Variants in ZNF554 observed in about 807,000 individuals in gnomAD.
ZNF554 encodes the protein zinc finger protein 554.
In ZNF554, 15 loss-of-function variants were observed where a neutral mutation model predicts 21.2. That is an observed-to-expected ratio of 0.71 (90% CI 0.47 to 1.09). The LOEUF is 1.09. Ranked by LOEUF, ZNF554 falls within the 50% of genes least tolerant of loss-of-function variation. The pLI, the probability that ZNF554 is intolerant of heterozygous loss-of-function variation, is 0.00. For missense variants in ZNF554, 691 were observed against 662.7 expected (o/e 1.04, Z -0.47); for synonymous variants, 258 against 251.4 (o/e 1.03, Z -0.25).
intron 3 of ZNF554, 23 bp from the exon 4 acceptor site, chr19:2,832,280 A>C (rs1218651398): frequency 6.4e-7 from 1 of 1,552,050 alleles, no homozygotes; most frequent in Admixed American, 2.2e-5. Context: ...GCTACCTCTC[A>C]AGTATACTCT....
intron 2 of ZNF554, 99 bp downstream of exon 2, chr19:2,823,211 G>T: frequency 8.3e-7 from 1 of 1,211,146 alleles, no homozygotes; most frequent in Non-Finnish European, 1.2e-6. Context: ...CTTGCTATGT[G>T]AAAGTTCAGG....
At chr19:2,825,842 C>T (rs574419288) in intron 2 of ZNF554, among the ~76,000 whole-genome samples, 3 of 152,236 alleles carry the variant, frequency 2.0e-5, no homozygotes, top group South Asian at 2.1e-4. Flanking sequence ...ATTGAAAGCT[C>T]AGGGTGCCTC....
At chr19:2,833,578 G>A (rs8107668) in intron 4 of ZNF554, 103 bp from the exon 5 acceptor site, 499,102 of 957,262 alleles carry the variant, frequency 0.52, 132,073 homozygotes, top group South Asian at 0.71. Context: ...TTGAACATCA[G>A]TCCGCACAGG....
At chr19:2,832,201 C>T in intron 3 of ZNF554, 102 bp from the exon 4 acceptor site, 2 of 1,218,750 alleles carry the variant, frequency 1.6e-6, no homozygotes, top group South Asian at 1.6e-5. Flanking sequence ...GCTGGGATTA[C>T]AGGAGTGAGC....
chr19:2,833,922 C>G lies in ZNF554; in HGVS notation c.687C>G (p.Ser229Arg), dbSNP rs374467666. The change falls in exon 5 of 5, where the codon AGC becomes AGG. Residue 229 changes from serine (S) to arginine (R), a missense_variant. Physicochemically the swap from Ser to Arg is moderately radical, Grantham distance 110 (BLOSUM62 -1). Coordinates refer to ENST00000317243, the MANE Select transcript of ZNF554 (RefSeq NM_001102651.2). ...WHGFGENGNL[S>R]PALVLSQGSS... ...GATTTGGGGAAAATGGTAATCTGAG[C>G]CCAGCCCTTGTTTTATCACAGGGAA... is the stretch of plus-strand genomic sequence containing the variant. 1.2e-6 allele frequency: 2 copies of G among 1,614,036 alleles called. No homozygotes were observed. The highest frequency in any genetic ancestry group is 1.7e-6 in the Non-Finnish European group (2 of 1,180,020).
intron 3 of ZNF554, among the ~76,000 whole-genome samples, chr19:2,829,773 G>A (rs971755492): frequency 2.0e-5 from 3 of 152,184 alleles, no homozygotes. Flanking sequence ...CATTCAGCAT[G>A]TACTACAGCC....
At chr19:2,832,244 A>C in intron 3 of ZNF554, 59 bp from the exon 4 acceptor site, 1 of 1,488,448 alleles carries the variant, frequency 6.7e-7, no homozygotes, top group Non-Finnish European at 9.0e-7. Context: ...TAATTTTTTA[A>C]CTAGAAAATA....
rs953935355 is a variant in ZNF554, at chr19:2,825,665, TCAAA to T, written c.127-1949_127-1946del. On this transcript the variant is annotated intron_variant, in intron 2 of 4. Coordinates refer to ENST00000317243, the MANE Select transcript of ZNF554 (RefSeq NM_001102651.2). ...TCAGTCTGGTCTTGAACTCCTGGGC[TCAAA>T]CAGAGTCTTCCCAGCTTGGCTTCCC... Among the ~76,000 whole-genome samples the T allele has an allele frequency of 4.6e-5, 7 of 152,290 alleles. 1 individual carries two copies. The highest frequency in any genetic ancestry group is 4.1e-4 in the South Asian group (2 of 4,830).
At chr19:2,820,684 C>CTTTTT (rs762586098) in intron 1 of ZNF554, among the ~76,000 whole-genome samples, 1,708 of 103,144 alleles carry the variant, frequency 0.017, 197 homozygotes, top group African/African-American at 0.062. Flanking sequence ...AGCAAGGGTC[C>CTTTTT]TTTTTTTTTT....
At position 2,824,294 on chromosome 19, in the gene ZNF554, TCAGCTGCACC is replaced by T. The variant is rs2087299809; in HGVS notation, c.126+1186_126+1195del. The stretch of plus-strand genomic sequence containing the variant: ...GTCTGCAGCTGCGGGTCTGGCAGCT[TCAGCTGCACC>T]CAGGAGGGCAGATCCTGCCTCTTCT... On this transcript the variant is annotated intron_variant, in intron 2 of 4. Transcript: ENST00000317243. Among the ~76,000 whole-genome samples, 7 of 152,274 alleles carry T rather than the reference TCAGCTGCACC, an allele frequency of 4.6e-5. No homozygotes were observed. The South Asian group carries it at 1.5e-3, about 32-fold the overall frequency.
chr19:2,825,727 G>C (rs987178970), intron 2 of ZNF554, among the ~76,000 whole-genome samples: 1 of 152,070 alleles, frequency 6.6e-6, no homozygotes. Flanking sequence ...GAGCAAAGTC[G>C]GAAGAGTTTG....
chr19:2,833,726 T>G lies in ZNF554; in HGVS notation c.491T>G (p.Val164Gly). The G allele has an allele frequency of 6.5e-7, 1 of 1,546,030 alleles. No homozygotes were observed. The highest frequency in any genetic ancestry group is 8.7e-7 in the Non-Finnish European group (1 of 1,147,124). Residue 164 changes from valine to glycine, a missense_variant, in exon 5 of 5, where the codon GTG becomes GGG. By Grantham distance (109) the Val-to-Gly change is moderately radical. Coordinates refer to ENST00000317243, the MANE Select transcript of ZNF554 (RefSeq NM_001102651.2). ...AACCAAGACTCAACTTACAAGAAGG[T>G]GGCTTTGCAGGAGGAACCAGCCAGT... is the stretch of plus-strand genomic sequence containing the variant. ...LRNQDSTYKKVALQEEPASGI... is the reference protein window; with the variant it reads ...LRNQDSTYKKGALQEEPASGI...
At chr19:2,826,893 ACGT>A (rs1192426465) in intron 2 of ZNF554, among the ~76,000 whole-genome samples, 6 of 151,990 alleles carry the variant, frequency 3.9e-5, no homozygotes, top group Non-Finnish European at 8.8e-5. Flanking sequence ...CGATCTCCTG[ACGT>A]CGTGATCCAC....
intron 2 of ZNF554, among the ~76,000 whole-genome samples, chr19:2,823,316 C>T (rs2087287587): frequency 6.6e-6 from 1 of 152,102 alleles, no homozygotes; most frequent in Non-Finnish European, 1.5e-5. Context: ...ACAGCCTCTC[C>T]CTAGGAGACA....
rs2087498795 is a variant in ZNF554, at chr19:2,836,599, C to T, written c.*1747C>T. ...GACGTGAAGAAATGAATCATTTACG[C>T]AATGATTGGGGTGTTCCAATTATGT... is the stretch of plus-strand genomic sequence containing the variant. On this transcript the variant is annotated 3_prime_UTR_variant, in exon 5 of 5. Transcript: ENST00000317243. Among the ~76,000 whole-genome samples, 1 of 152,194 alleles carries T rather than the reference C, an allele frequency of 6.6e-6. No individual in the cohort carries two copies.
At position 2,827,655 on chromosome 19, in the gene ZNF554, C is replaced by T; in HGVS notation, c.165C>T (p.Ser55=). Residue 55 remains serine (S), a synonymous_variant, in exon 3 of 5, where the codon TCC becomes TCT. Transcript: ENST00000317243. ...TTGAGGACGTGTCCATGGACTTCTC[C>T]CAGGAGGAGTGGGAGTTGCTGGAGC... ...VTFEDVSMDF[S]QEEWELLEPA... 1 of 1,613,922 alleles carries T rather than the reference C, an allele frequency of 6.2e-7. No homozygotes were observed.
chr19:2,823,165 T>C, intron 2 of ZNF554, 53 bp downstream of exon 2: 1 of 1,555,480 alleles, frequency 6.4e-7, no homozygotes, highest in South Asian at 1.1e-5. Flanking sequence ...GAGGGAACAA[T>C]CCCACCAGAA....
At chr19:2,828,689 A>G (rs2087370417) in intron 3 of ZNF554, among the ~76,000 whole-genome samples, 1 of 152,038 alleles carries the variant, frequency 6.6e-6, no homozygotes, top group South Asian at 2.1e-4. Context: ...AAAAAAAAAA[A>G]AAAGCAAGAA....
intron 1 of ZNF554, 104 bp downstream of exon 1, chr19:2,820,228 G>A (rs1412526999): frequency 1.9e-6 from 2 of 1,067,096 alleles, no homozygotes; most frequent in Non-Finnish European, 2.4e-6. Flanking sequence ...TGACCCTGTC[G>A]CGATAGGGTC....
Sources: allele counts gnomAD v4.1 joint callset (sites outside exome capture counted in the v4.1 genomes callset), GRCh38; gene constraint gnomAD v4.1.1; transcripts MANE v1.5; gene names NCBI Gene and HGNC (gene_info 2026-07-23, HGNC 2026-07-21).